TRIM58: variants seen among roughly 807,000 people sequenced by gnomAD.
The protein encoded by TRIM58 is tripartite motif containing 58.
In TRIM58, 38 loss-of-function variants were observed where a neutral mutation model predicts 34.1. That is an observed-to-expected ratio of 1.12 (90% CI 0.86 to 1.46). The LOEUF is 1.46. Ranked by LOEUF, TRIM58 falls within the 40% of genes most tolerant of loss-of-function variation. The probability of loss-of-function intolerance (pLI) is 0.00; values close to 1 mark genes in which losing one functional copy is unlikely to be tolerated. For missense variants in TRIM58, 677 were observed against 642.0 expected, an observed-to-expected ratio of 1.05 and a Z score of -0.59; for synonymous variants, 273 against 275.7, an observed-to-expected ratio of 0.99 and a Z score of 0.10.
chr1:247,878,326 C>T lies in TRIM58; in HGVS notation c.*1837C>T, dbSNP rs1273714883. Reference sequence around the variant, plus strand: ...ATCTGCAGAAGGTTTAATTTTCCTCCTCAATTTGAAGTTCAAGATGTTTTT... The same window carrying T: ...ATCTGCAGAAGGTTTAATTTTCCTCTTCAATTTGAAGTTCAAGATGTTTTT... On this transcript the variant is annotated 3_prime_UTR_variant, in exon 6 of 6. Transcript: ENST00000366481. 1 of 152,094 alleles carries T rather than the reference C, an allele frequency of 6.6e-6. No individual in the cohort carries two copies. Among genetic ancestry groups the T allele is most frequent in the Admixed American group, 6.6e-5 (1 of 15,264 alleles). The allele number at this position is 152,094 out of a possible 1,614,324, so 9.4% of individuals were successfully genotyped here. A position where few individuals can be genotyped will look rare whatever the true frequency, so the allele number is the denominator to read the frequency against.
chr1:247,873,002 G>C (rs908552497), intron 5 of TRIM58, among the ~76,000 whole-genome samples: 5 of 152,134 alleles, frequency 3.3e-5, no homozygotes, highest in Admixed American at 2.6e-4. Flanking sequence ...AGGCCGAGGC[G>C]GGCAGATCAC....
Position 247,875,934 on chromosome 1 carries a change from G to C in TRIM58, c.906G>C (p.Pro302=). Residue 302 remains proline (P), a synonymous_variant, in exon 6 of 6, where the codon CCG becomes CCC. Coordinates refer to ENST00000366481, the MANE Select transcript of TRIM58 (RefSeq NM_015431.4). ...DVKLDPATAH[P]SLLLTADLRS... is the part of the protein sequence containing the mutation. ...AGCTGGATCCCGCCACGGCGCACCCGAGTCTGCTCTTGACCGCCGACCTGC... is the reference window on the plus strand; with the variant it reads ...AGCTGGATCCCGCCACGGCGCACCCCAGTCTGCTCTTGACCGCCGACCTGC... 1 of 1,613,820 alleles carries C rather than the reference G, an allele frequency of 6.2e-7. No individual in the cohort carries two copies. Among genetic ancestry groups the C allele is most frequent in the South Asian group, 1.1e-5 (1 of 91,008 alleles).
chr1:247,865,047 A>T, intron 3 of TRIM58, 112 bp downstream of exon 3: 1 of 1,021,766 alleles, frequency 9.8e-7, no homozygotes. Flanking sequence ...GGAAAAGGGC[A>T]CCCTCAAATT....
intron 5 of TRIM58, 92 bp from the exon 6 acceptor site, chr1:247,875,808 G>A (rs1659270606): frequency 9.2e-7 from 1 of 1,082,040 alleles, no homozygotes; most frequent in Non-Finnish European, 1.3e-6. Context: ...AGAGAAAAGT[G>A]AGGAACTGTG....
chr1:247,871,017 G>T (rs61855711), intron 5 of TRIM58, among the ~76,000 whole-genome samples: 3 of 95,148 alleles, frequency 3.2e-5, no homozygotes, highest in African/African-American at 1.4e-4. Context: ...GCACCACCAC[G>T]CCCAGAAGAA....
Position 247,857,617 on chromosome 1 carries a change from A to C in TRIM58, c.371A>C (p.His124Pro). ...LCWVCDAGPEHRTHRTAPLQE... is the reference protein window; with the variant it reads ...LCWVCDAGPEPRTHRTAPLQE... ...TGGGTGTGCGACGCCGGCCCCGAGC[A>C]CAGGACGCACCGCACGGCGCCGCTG... Residue 124 changes from histidine to proline, a missense_variant, in exon 1 of 6, where the codon CAC (histidine) becomes CCC (proline). By Grantham distance (77) the His-to-Pro change is moderately conservative. Coordinates refer to ENST00000366481, the MANE Select transcript of TRIM58 (RefSeq NM_015431.4). 8.0e-7 allele frequency: 1 copy of C among 1,251,614 alleles called. No homozygotes were observed. The highest frequency in any genetic ancestry group is 1.0e-6 in the Non-Finnish European group (1 of 1,000,494). 77.5% of individuals were successfully genotyped at this position (1,251,614 alleles called of 1,614,324 possible). A position where few individuals can be genotyped will look rare whatever the true frequency, so the allele number is the denominator to read the frequency against.
chr1:247,864,888 G>C lies in TRIM58; in HGVS notation c.700G>C (p.Asp234His), dbSNP rs200373152. 2 of 1,606,180 alleles carry C rather than the reference G, an allele frequency of 1.2e-6. No homozygotes were observed. Among genetic ancestry groups the C allele is most frequent in the East Asian group, 4.5e-5 (2 of 44,708 alleles). ...QQSKALKELA[D>H]ELQERCQRPA... ...GAGCAAGGCCCTGAAGGAGCTGGCG[G>C]ATGAGCTGCAGGAGAGGTGCCAGCG... Residue 234 changes from aspartate to histidine, a missense_variant, in exon 3 of 6, where the codon GAT becomes CAT. Coordinates refer to ENST00000366481, the MANE Select transcript of TRIM58 (RefSeq NM_015431.4).
intron 2 of TRIM58, among the ~76,000 whole-genome samples, chr1:247,863,664 A>G (rs1663851910): frequency 6.6e-6 from 1 of 152,184 alleles, no homozygotes; most frequent in African/African-American, 2.4e-5. Context: ...AAAACAGGAC[A>G]GAGAATGGGA....
rs1202825519 is a variant in TRIM58, at chr1:247,857,266, G to C, written c.20G>C (p.Gly7Ala). The C allele has an allele frequency of 7.4e-7, 1 of 1,347,240 alleles. No individual in the cohort carries two copies. The highest frequency in any genetic ancestry group is 3.0e-5 in the East Asian group (1 of 32,788). The allele number at this position is 1,347,240 out of a possible 1,614,324, so 83.5% of individuals were successfully genotyped here. A position where few individuals can be genotyped will look rare whatever the true frequency, so the allele number is the denominator to read the frequency against. MAWAPP[G>A]ERLREDARCP... Reference sequence around the variant, plus strand: ...CGGGTCATGGCCTGGGCGCCGCCCGGGGAGCGGCTGCGCGAGGATGCGCGG... The same window carrying C: ...CGGGTCATGGCCTGGGCGCCGCCCGCGGAGCGGCTGCGCGAGGATGCGCGG... The change falls in exon 1 of 6, where the codon GGG (glycine) becomes GCG (alanine). Residue 7 changes from glycine to alanine, a missense_variant. Transcript: ENST00000366481.
chr1:247,868,428 C>G (rs972421165), intron 5 of TRIM58, among the ~76,000 whole-genome samples: 1 of 152,200 alleles, frequency 6.6e-6, no homozygotes, highest in African/African-American at 2.4e-5. Flanking sequence ...CAATACAACA[C>G]ATCACTTCTG....
chr1:247,857,418 C>T lies in TRIM58; in HGVS notation c.172C>T (p.Pro58Ser), dbSNP rs1392276851. 1 of 1,497,246 alleles carries T rather than the reference C, an allele frequency of 6.7e-7. No homozygotes were observed. Among genetic ancestry groups the T allele is most frequent in the Non-Finnish European group, 8.9e-7 (1 of 1,120,002 alleles). 92.7% of individuals were successfully genotyped at this position (1,497,246 alleles called of 1,614,324 possible). The change falls in exon 1 of 6, where the codon CCG becomes TCG. Residue 58 changes from proline (P) to serine (S), a missense_variant. Transcript: ENST00000366481. ...CGCGCAGGGCGGCGTCTACGCCTGT[C>T]CGCAGTGCCGGGGCCCCTTCCGGCC... ...DGAQGGVYAC[P>S]QCRGPFRPSG...
chr1:247,857,397 C>A lies in TRIM58; in HGVS notation c.151C>A (p.Gln51Lys), dbSNP rs1277629989. 1 of 1,523,440 alleles carries A rather than the reference C, an allele frequency of 6.6e-7. No homozygotes were observed. Among genetic ancestry groups the A allele is most frequent in the South Asian group, 1.3e-5 (1 of 79,784 alleles). The allele number at this position is 1,523,440 out of a possible 1,614,324, so 94.4% of individuals were successfully genotyped here. The change falls in exon 1 of 6, where the codon CAG becomes AAG. Residue 51 changes from glutamine to lysine, a missense_variant. By Grantham distance (53) the Gln-to-Lys change is moderately conservative. Transcript: ENST00000366481. ...GTTCTGCGAGAAGTCGGACGGCGCG[C>A]AGGGCGGCGTCTACGCCTGTCCGCA... is the stretch of plus-strand genomic sequence containing the variant. ...SEFCEKSDGA[Q>K]GGVYACPQCR...
rs1659361488 is a variant in TRIM58, at chr1:247,879,444, C to T, written c.*2955C>T. Among the ~76,000 whole-genome samples, 1 of 152,190 alleles carries T rather than the reference C, an allele frequency of 6.6e-6. No homozygotes were observed. The highest frequency in any genetic ancestry group is 1.5e-5 in the Non-Finnish European group (1 of 68,042). On this transcript the variant is annotated 3_prime_UTR_variant, in exon 6 of 6. Transcript: ENST00000366481. The stretch of plus-strand genomic sequence containing the variant: ...GGCCCTTCCACTCCCATTCTCTCTA[C>T]AGCAGCTGGGCTGATTCCTTTAGCA...
chr1:247,857,481 G>C lies in TRIM58; in HGVS notation c.235G>C (p.Val79Leu). 1 of 1,331,366 alleles carries C rather than the reference G, an allele frequency of 7.5e-7. No homozygotes were observed. The highest frequency in any genetic ancestry group is 9.6e-7 in the Non-Finnish European group (1 of 1,040,668). The allele number at this position is 1,331,366 out of a possible 1,614,324, so 82.5% of individuals were successfully genotyped here. The part of the protein sequence containing the change: ...FRPNRQLAGL[V>L]ESVRRLGLGA... Reference sequence around the variant, plus strand: ...CCCCAACCGGCAGCTGGCGGGCCTGGTGGAGAGCGTGCGGCGGCTGGGGTT... The same window carrying C: ...CCCCAACCGGCAGCTGGCGGGCCTGCTGGAGAGCGTGCGGCGGCTGGGGTT... The change falls in exon 1 of 6, where the codon GTG becomes CTG. Residue 79 changes from valine to leucine, a missense_variant. Physicochemically the swap from Val to Leu is conservative, Grantham distance 32 (BLOSUM62 1). Transcript: ENST00000366481.
At chr1:247,867,821 A>C (rs758767994) in intron 3 of TRIM58, 24 bp from the exon 4 acceptor site, 3 of 1,614,130 alleles carry the variant, frequency 1.9e-6, no homozygotes, top group Admixed American at 1.7e-5. Flanking sequence ...TCCAACTCAC[A>C]CTGTGTTTTT....
intron 4 of TRIM58, 22 bp downstream of exon 4, chr1:247,867,889 G>A: frequency 1.2e-6 from 2 of 1,614,134 alleles, no homozygotes; most frequent in Non-Finnish European, 1.7e-6. Flanking sequence ...TTCTGAATTG[G>A]TGAAGGGATT....
chr1:247,877,021 C>G lies in TRIM58; in HGVS notation c.*532C>G, dbSNP rs1659306391. ...CTTATTTTTTGTTTCTTACCTCTTACTGTTTAACCTGTTGCTTCCTTCTGG... is the reference window on the plus strand; with the variant it reads ...CTTATTTTTTGTTTCTTACCTCTTAGTGTTTAACCTGTTGCTTCCTTCTGG... On this transcript the variant is annotated 3_prime_UTR_variant, in exon 6 of 6. Transcript: ENST00000366481. The G allele has an allele frequency of 6.4e-6, 1 of 155,328 alleles. No homozygotes were observed. Among genetic ancestry groups the G allele is most frequent in the Admixed American group, 6.3e-5 (1 of 15,920 alleles). 9.6% of individuals were successfully genotyped at this position (155,328 alleles called of 1,614,324 possible).
intron 3 of TRIM58, among the ~76,000 whole-genome samples, chr1:247,865,980 G>A (rs552201650): frequency 6.6e-6 from 1 of 152,116 alleles, no homozygotes; most frequent in Non-Finnish European, 1.5e-5. Context: ...GACTAAACAG[G>A]ACTGATTATG....
chr1:247,863,171 G>A (rs954752395), intron 2 of TRIM58, among the ~76,000 whole-genome samples: 1 of 152,232 alleles, frequency 6.6e-6, no homozygotes, highest in African/African-American at 2.4e-5. Context: ...AAGTAGTTAA[G>A]TCTTAGGGGA....
Sources: gnomAD v4.1 joint callset for allele counts (sites outside exome capture counted in the v4.1 genomes callset) on GRCh38, gnomAD v4.1.1 for gene constraint, MANE v1.5 for transcripts, NCBI Gene and HGNC (gene_info 2026-07-23, HGNC 2026-07-21) for gene names.